NAV3: variants seen among roughly 807,000 people sequenced by gnomAD.
The protein encoded by NAV3 is pore membrane and/or filament interacting like protein 1.
A neutral mutation model predicts 244.7 loss-of-function variants in NAV3; 87 were observed. The observed-to-expected ratio is 0.36, with a 90% CI of 0.30 to 0.42. The LOEUF (loss-of-function observed/expected upper bound fraction) is 0.42. Ranked by LOEUF, NAV3 falls within the 20% of genes least tolerant of loss-of-function variation. The pLI, the probability that NAV3 is intolerant of heterozygous loss-of-function variation, is 1.00. For missense variants in NAV3, 2,663 were observed against 2,893.3 expected (o/e 0.92, Z 1.83); for synonymous variants, 1,126 against 1,042.2 (o/e 1.08, Z -1.55).
intron 12 of NAV3, among the ~76,000 whole-genome samples, chr12:78,064,426 T>TGCCTGCCTGCCTGCCTGC (rs1555273019): frequency 2.9e-5 from 4 of 136,292 alleles, no homozygotes; most frequent in African/African-American, 1.1e-4. Flanking sequence ...TGTCTGTCTG[T>TGCCTGCCTGCCTGCCTGC]CTGCCTGCCT....
intron 2 of NAV3, among the ~76,000 whole-genome samples, chr12:77,756,950 C>T (rs912646240): frequency 4.6e-5 from 7 of 152,234 alleles, no homozygotes; most frequent in East Asian, 3.9e-4. Context: ...GTTACTACTC[C>T]CATAAGAAGA....
intron 2 of NAV3, among the ~76,000 whole-genome samples, chr12:77,717,963 AT>A (rs913594400): frequency 6.6e-6 from 1 of 152,086 alleles, no homozygotes; most frequent in Non-Finnish European, 1.5e-5. Context: ...TTCTTTATAT[AT>A]TTTTGATATT....
chr12:77,770,660 A>G (rs1469898548), intron 2 of NAV3, among the ~76,000 whole-genome samples: 2 of 152,198 alleles, frequency 1.3e-5, no homozygotes, highest in African/African-American at 4.8e-5. Flanking sequence ...CTGCTTTTAT[A>G]TGAAGTCTAA....
At chr12:78,116,690 T>C (rs762415050) in intron 12 of NAV3, 82 bp from the exon 13 acceptor site, 1 of 1,318,262 alleles carries the variant, frequency 7.6e-7, no homozygotes, top group Non-Finnish European at 1.0e-6. Context: ...AATAATAAAT[T>C]GTGAATGTTG....
chr12:77,687,746 C>T lies in NAV3; in HGVS notation c.72+115480C>T, dbSNP rs181083760. On this transcript the variant is annotated intron_variant, in intron 2 of 8. Transcript: ENST00000550042. ...AAACTTAGATCGGTTCCATAAGCCT[C>T]TCTCTACCAAAGAAATGGCAATGCC... Among the ~76,000 whole-genome samples, 20 of 152,170 alleles carry T rather than the reference C, an allele frequency of 1.3e-4. No homozygotes were observed. In the East Asian group the frequency reaches 3.1e-3, roughly 24 times the overall value.
chr12:77,950,504 C>T (rs1312500277), intron 3 of NAV3: 1 of 151,704 alleles, frequency 6.6e-6, no homozygotes, highest in African/African-American at 2.4e-5. Flanking sequence ...GTTTTAAAAA[C>T]CAGATTCAAT....
chr12:78,034,422 C>T (rs1312824803), intron 9 of NAV3, among the ~76,000 whole-genome samples: 1 of 152,194 alleles, frequency 6.6e-6, no homozygotes, highest in Non-Finnish European at 1.5e-5. Flanking sequence ...ACTGAATGAG[C>T]AGTTATGTGG....
At chr12:78,030,807 T>C (rs1878850779) in intron 9 of NAV3, among the ~76,000 whole-genome samples, 1 of 152,160 alleles carries the variant, frequency 6.6e-6, no homozygotes, top group Non-Finnish European at 1.5e-5. Flanking sequence ...TAAAAGAAGA[T>C]CAGACATGCA....
intron 2 of NAV3, among the ~76,000 whole-genome samples, chr12:77,800,741 A>T (rs1333409697): frequency 6.6e-6 from 1 of 152,100 alleles, no homozygotes; most frequent in Non-Finnish European, 1.5e-5. Flanking sequence ...TAGTAGGGGG[A>T]TTATTTTTAA....
chr12:77,872,973 C>T lies in NAV3; in HGVS notation c.243+41269C>T, dbSNP rs79871071. Among the ~76,000 whole-genome samples the T allele has an allele frequency of 3.9e-3, 601 of 152,278 alleles. 13 individuals carry two copies. The East Asian group carries it at 0.081, about 20-fold the overall frequency. Reference sequence around the variant, plus strand: ...TAATCCCCACATGTCATGGGCGGGACCCCGCAGGAGGTAATTGATCATGGG... The same window carrying T: ...TAATCCCCACATGTCATGGGCGGGATCCCGCAGGAGGTAATTGATCATGGG... On this transcript the variant is annotated intron_variant, in intron 1 of 39. Coordinates refer to ENST00000397909, the MANE Select transcript of NAV3 (RefSeq NM_001024383.2).
intron 38 of NAV3, among the ~76,000 whole-genome samples, chr12:78,202,226 T>C (rs1959787508): frequency 6.6e-6 from 1 of 152,080 alleles, no homozygotes; most frequent in African/African-American, 2.4e-5. Context: ...TGATTATTTG[T>C]ACCAAAAAAA....
At chr12:77,636,466 A>C (rs1325981113) in intron 2 of NAV3, among the ~76,000 whole-genome samples, 1 of 91,048 alleles carries the variant, frequency 1.1e-5, no homozygotes, top group Non-Finnish European at 1.9e-5. Context: ...CACCGTCTCA[A>C]AAAAAAAAAA....
At chr12:77,916,366 C>T (rs139268608) in intron 1 of NAV3, among the ~76,000 whole-genome samples, 1 of 151,948 alleles carries the variant, frequency 6.6e-6, no homozygotes, top group Non-Finnish European at 1.5e-5. Context: ...ACATAAGTCT[C>T]TTTTTGGTTG....
At chr12:78,035,749 G>T (rs867716483) in intron 9 of NAV3, among the ~76,000 whole-genome samples, 1 of 151,998 alleles carries the variant, frequency 6.6e-6, no homozygotes, top group African/African-American at 2.4e-5. Context: ...TTACAAAAAG[G>T]CTGTAAGAAA....
At chr12:77,972,844 C>A (rs1304161556) in intron 5 of NAV3, among the ~76,000 whole-genome samples, 1 of 152,004 alleles carries the variant, frequency 6.6e-6, no homozygotes, top group Non-Finnish European at 1.5e-5. Context: ...TCATATGTTG[C>A]ATTTTGACAA....
At chr12:77,645,397 A>G (rs1399502729) in intron 2 of NAV3, among the ~76,000 whole-genome samples, 1 of 151,890 alleles carries the variant, frequency 6.6e-6, no homozygotes, top group Non-Finnish European at 1.5e-5. Context: ...CCTGGATGTT[A>G]CTACTTCAAA....
intron 4 of NAV3, 46 bp from the exon 5 acceptor site, chr12:77,968,473 C>A: frequency 6.9e-7 from 1 of 1,439,518 alleles, no homozygotes; most frequent in Non-Finnish European, 9.7e-7. Flanking sequence ...TTAAAAAGGA[C>A]ATTAAATACA....
chr12:77,595,654 ATAAT>A (rs1870133778), intron 2 of NAV3, among the ~76,000 whole-genome samples: 1 of 152,200 alleles, frequency 6.6e-6, no homozygotes, highest in South Asian at 2.1e-4. Flanking sequence ...CTAAATATAT[ATAAT>A]TTTCATTACA....
At chr12:78,132,925 T>G (rs1193879439) in intron 18 of NAV3, among the ~76,000 whole-genome samples, 1 of 152,148 alleles carries the variant, frequency 6.6e-6, no homozygotes, top group Non-Finnish European at 1.5e-5. Context: ...TAATCAATAG[T>G]CTTACTTGAA....
Sources: gnomAD v4.1 joint callset for allele counts (sites outside exome capture counted in the v4.1 genomes callset) on GRCh38, gnomAD v4.1.1 for gene constraint, MANE v1.5 for transcripts, NCBI Gene and HGNC (gene_info 2026-07-23, HGNC 2026-07-21) for gene names.